The following TLE3 variants were observed in gnomAD, a reference collection of about 807,000 sequenced individuals.
TLE3 encodes the protein TLE family member 3, transcriptional corepressor.
Under a neutral mutation model 93.0 loss-of-function variants are expected in TLE3, and 14 were observed. The ratio of observed to expected loss-of-function variants is 0.15; its 90% CI spans 0.10 to 0.24. TLE3 has a LOEUF of 0.24. Among genes scored for constraint, TLE3 ranks in the 10% least tolerant of loss-of-function variants. The pLI, the probability that TLE3 is intolerant of heterozygous loss-of-function variation, is 1.00. For missense variants in TLE3, 693 were observed against 1,046.6 expected, an observed-to-expected ratio of 0.66 and a Z score of 4.66; for synonymous variants, 451 against 425.0, an observed-to-expected ratio of 1.06 and a Z score of -0.75.
chr15:70,052,767 A>T (rs1182004067), intron 17 of TLE3: 2 of 323,892 alleles, frequency 6.2e-6, no homozygotes, highest in African/African-American at 6.1e-5. Context: ...AAGTGAGTTA[A>T]AAAAAAAAAA....
At chr15:70,084,489 T>C (rs77887400) in intron 4 of TLE3, among the ~76,000 whole-genome samples, 3,104 of 152,336 alleles carry the variant, frequency 0.02, 118 homozygotes, top group African/African-American at 0.071. Context: ...AAAGGTTTCA[T>C]CTGGTTTCTT....
chr15:70,084,696 G>A (rs1050039472), intron 4 of TLE3, among the ~76,000 whole-genome samples: 1 of 152,302 alleles, frequency 6.6e-6, no homozygotes, highest in South Asian at 2.1e-4. Context: ...CTCTTTAACC[G>A]TCAGTGCTGC....
At chr15:70,052,623 G>C in intron 17 of TLE3, 99 bp from the exon 18 acceptor site, 2 of 1,402,216 alleles carry the variant, frequency 1.4e-6, no homozygotes, top group Non-Finnish European at 1.9e-6. Flanking sequence ...CTGAGGCTCA[G>C]GGTCCCTCCC....
At chr15:70,093,942 C>T (rs1028839772) in intron 4 of TLE3, among the ~76,000 whole-genome samples, 3 of 152,150 alleles carry the variant, frequency 2.0e-5, no homozygotes, top group African/African-American at 4.8e-5. Flanking sequence ...AATGGGAACT[C>T]GGCTGCCTTC....
intron 17 of TLE3, 80 bp downstream of exon 17, chr15:70,053,147 T>C: frequency 6.6e-7 from 1 of 1,509,700 alleles, no homozygotes; most frequent in South Asian, 1.3e-5. Context: ...AGGGTCCCTT[T>C]GTCCCTGACC....
At position 70,097,117 on chromosome 15, in the gene TLE3, G is replaced by A; in HGVS notation, c.-319C>T. On this transcript the variant is annotated 5_prime_UTR_variant, in exon 1 of 20. The change creates a premature stop within an existing upstream ORF in the 5' untranslated region. Coordinates refer to ENST00000451782, the MANE Select transcript of TLE3 (RefSeq NM_001105192.3). ...GGCTGCGTCGAGCGCGTCAATGCCT[G>A]GGACTGCGCGGACATCGTCGGCTCC... 1 of 440,396 alleles carries A rather than the reference G, an allele frequency of 2.3e-6. No individual in the cohort carries two copies. The allele number at this position is 440,396 out of a possible 1,614,324, so 27.3% of individuals were successfully genotyped here. A position where few individuals can be genotyped will look rare whatever the true frequency, so the allele number is the denominator to read the frequency against.
At position 70,096,866 on chromosome 15, in the gene TLE3, A is replaced by AGGGGGGGGGGG; in HGVS notation, c.-69_-68insCCCCCCCCCCC. ...AGCCCGGGCCGGGGAGGTGCGGGGGAGGGGGGAGCCGAGCCCGAGCGGGGG... is the reference window on the plus strand; with the variant it reads ...AGCCCGGGCCGGGGAGGTGCGGGGGAGGGGGGGGGGGGGGGGGAGCCGAGCCCGAGCGGGGG... On this transcript the variant is annotated 5_prime_UTR_variant, in exon 1 of 20. Transcript: ENST00000451782. The AGGGGGGGGGGG allele has an allele frequency of 7.0e-7, 1 of 1,427,074 alleles. No homozygotes were observed. Among genetic ancestry groups the AGGGGGGGGGGG allele is most frequent in the Non-Finnish European group, 9.7e-7 (1 of 1,032,526 alleles). 88.4% of individuals were successfully genotyped at this position (1,427,074 alleles called of 1,614,324 possible). A position where few individuals can be genotyped will look rare whatever the true frequency, so the allele number is the denominator to read the frequency against.
intron 9 of TLE3, among the ~76,000 whole-genome samples, 195 bp downstream of exon 9, chr15:70,060,335 T>C (rs1019997941): frequency 6.6e-6 from 1 of 152,180 alleles, no homozygotes; most frequent in Non-Finnish European, 1.5e-5. Context: ...GTGGCTCGCA[T>C]GCTCATAGCG....
At chr15:70,069,696 T>C (rs1303353741) in intron 6 of TLE3, among the ~76,000 whole-genome samples, 2 of 152,188 alleles carry the variant, frequency 1.3e-5, no homozygotes, top group African/African-American at 4.8e-5. Context: ...CCTTCCTCAG[T>C]GCAAGAGCAG....
rs78927688 is a variant in TLE3 at position 70,089,172 on chromosome 15, C to A, written c.234+5360G>T. Among the ~76,000 whole-genome samples the A allele has an allele frequency of 8.6e-3, 1,304 of 152,344 alleles. 20 individuals are homozygous for A. Among genetic ancestry groups the A allele is most frequent in the African/African-American group, 0.03 (1,253 of 41,578 alleles). On this transcript the variant is annotated intron_variant, in intron 4 of 19. Transcript: ENST00000451782. ...CGACTTCTGCCTCATAAACCCTACC[C>A]TCCCTTTCAGACTCGCGCCAAGCAA...
chr15:70,097,472 GCT>G lies in TLE3; in HGVS notation c.-676_-675del. The G allele has an allele frequency of 2.4e-6, 1 of 415,188 alleles. No individual in the cohort carries two copies. The highest frequency in any genetic ancestry group is 4.2e-6 in the Non-Finnish European group (1 of 237,328). The allele number at this position is 415,188 out of a possible 1,614,324, so 25.7% of individuals were successfully genotyped here. A position where few individuals can be genotyped will look rare whatever the true frequency, so the allele number is the denominator to read the frequency against. On this transcript the variant is annotated 5_prime_UTR_variant, in exon 1 of 20. Coordinates refer to ENST00000451782, the MANE Select transcript of TLE3 (RefSeq NM_001105192.3). The stretch of plus-strand genomic sequence containing the variant: ...TGCCGCTGCCGCCGCCGCCGCCGCC[GCT>G]GCAAGCCCTTCCCAGGGCCGGGGAG...
rs374848525 is a variant in TLE3, at chr15:70,055,111, C to T, written c.1516G>A (p.Val506Met). The change falls in exon 15 of 20, where the codon GTG (valine) becomes ATG (methionine). Residue 506 changes from valine (V) to methionine (M), a missense_variant. Coordinates refer to ENST00000451782, the MANE Select transcript of TLE3 (RefSeq NM_001105192.3). ...GGCTGGCTGATGTCCCAGATCTTCA[C>T]GCAGCCCTTGCCACCTGTGTAGACG... ...RHVYTGGKGC[V>M]KIWDISQPGS... 2.5e-6 allele frequency: 4 copies of T among 1,614,124 alleles called. No homozygotes were observed. The highest frequency in any genetic ancestry group is 2.5e-6 in the Non-Finnish European group (3 of 1,180,000).
At chr15:70,074,998 C>T (rs1012494604) in intron 5 of TLE3, among the ~76,000 whole-genome samples, 4 of 152,054 alleles carry the variant, frequency 2.6e-5, no homozygotes, top group African/African-American at 4.8e-5. Context: ...GGATGGTATC[C>T]GTTTTTAGGA....
chr15:70,062,207 A>G (rs2056525912), intron 8 of TLE3, among the ~76,000 whole-genome samples: 4 of 152,236 alleles, frequency 2.6e-5, no homozygotes, highest in Admixed American at 2.6e-4. Context: ...CCTTCCCCAC[A>G]GCCGTGCAGG....
At position 70,075,998 on chromosome 15, in the gene TLE3, G is replaced by A. The variant is rs866905583; in HGVS notation, c.297+98C>T. On this transcript the variant is annotated intron_variant, in intron 5 of 19. Coordinates refer to ENST00000451782, the MANE Select transcript of TLE3 (RefSeq NM_001105192.3). ...GTCAGTATGAATGGACAGGGGCTGA[G>A]GCTGGGGCTGGGGCTGGGGCTCAGG... 2.7e-6 allele frequency: 3 copies of A among 1,115,702 alleles called. No homozygotes were observed. In the African/African-American group the frequency reaches 4.6e-5, roughly 17 times the overall value. The allele number at this position is 1,115,702 out of a possible 1,614,324, so 69.1% of individuals were successfully genotyped here. A position where few individuals can be genotyped will look rare whatever the true frequency, so the allele number is the denominator to read the frequency against.
Position 70,058,687 on chromosome 15 carries a change from G to A in TLE3, c.894C>T (p.Ser298=). Residue 298 remains serine, a synonymous_variant, in exon 11 of 20, where the codon TCC becomes TCT. Coordinates refer to ENST00000451782, the MANE Select transcript of TLE3 (RefSeq NM_001105192.3). This position sits in a 1 kb window ranked among gnomAD's most constrained non-coding sequence, Gnocchi z 4.1. ...ASVASSSSTP[S]SKTKDLGHND... is the part of the protein sequence containing the mutation. ...CATGACCAAGGTCTTTGGTCTTGGAGGAAGGTGTGCTACTGGAAGAGGCCA... is the reference window on the plus strand; with the variant it reads ...CATGACCAAGGTCTTTGGTCTTGGAAGAAGGTGTGCTACTGGAAGAGGCCA... 6.2e-7 allele frequency: 1 copy of A among 1,606,060 alleles called. No homozygotes were observed.
chr15:70,053,428 G>A lies in TLE3; in HGVS notation c.1827-54C>T, dbSNP rs1203881062. On this transcript the variant is annotated intron_variant, in intron 16 of 19. Transcript: ENST00000451782. ...AGTCCCGGGAACCACAGACTGCCAG[G>A]TGGCGGCCATCCCAGGGGCAGTCTG... The A allele has an allele frequency of 1.2e-5, 19 of 1,556,490 alleles. No individual in the cohort carries two copies. The Middle Eastern group carries it at 5.1e-4, about 42-fold the overall frequency.
intron 17 of TLE3, chr15:70,052,950 A>C (rs1205480387): frequency 4.7e-6 from 2 of 425,440 alleles, no homozygotes; most frequent in Admixed American, 7.7e-5. Flanking sequence ...TATTATTTCC[A>C]TCTTGTGAAT....
rs757318811 is a variant in TLE3, at chr15:70,074,555, G to A, written c.350C>T (p.Thr117Met). 49 of 1,612,806 alleles carry A rather than the reference G, an allele frequency of 3.0e-5. No individual in the cohort carries two copies. Among genetic ancestry groups the A allele is most frequent in the Non-Finnish European group, 3.9e-5 (46 of 1,179,466 alleles). Reference protein sequence around the residue: ...AVERAKQVTMTELNAIIGQQQ... With the variant: ...AVERAKQVTMMELNAIIGQQQ... The stretch of plus-strand genomic sequence containing the variant: ...TACCCCGATGATGGCGTTCAGCTCC[G>A]TCATGGTGACCTGCTTGGCGCGCTC... Residue 117 changes from threonine to methionine, a missense_variant, in exon 6 of 20, where the codon ACG (threonine) becomes ATG (methionine). By Grantham distance (81) the Thr-to-Met change is moderately conservative (BLOSUM62 -1). Coordinates refer to ENST00000451782, the MANE Select transcript of TLE3 (RefSeq NM_001105192.3).
Sources: gnomAD v4.1 joint callset for allele counts (sites outside exome capture counted in the v4.1 genomes callset) on GRCh38, gnomAD v4.1.1 for gene constraint, Gnocchi (gnomAD v3.1) non-coding constraint, MANE v1.5 for transcripts, NCBI Gene and HGNC (gene_info 2026-07-23, HGNC 2026-07-21) for gene names.